ADAMTS12: variants seen among roughly 807,000 people sequenced by gnomAD.
ADAMTS12 encodes ADAM metallopeptidase with thrombospondin type 1 motif 12.
A neutral mutation model predicts 167.8 loss-of-function variants in ADAMTS12; 118 were observed. The observed-to-expected ratio is 0.70, with a 90% CI of 0.61 to 0.82. The LOEUF is 0.82. ADAMTS12 is among the 40% of genes least tolerant of loss of function. The pLI is 0.00. For missense variants in ADAMTS12, 1,916 were observed against 1,998.8 expected (o/e 0.96, Z 0.79); for synonymous variants, 704 against 716.9 (o/e 0.98, Z 0.29).
Position 33,630,885 on chromosome 5 carries a change from GGGTC to G in ADAMTS12, c.1913_1916del (p.Arg638ProfsTer2), listed in dbSNP as rs771494158. ...TTTTCTCAGAAAACTGGCCATCTAT[GGGTC>G]GGCAGTAGAGCTCACAAGGATGTGC... On this transcript the variant is annotated frameshift_variant, in exon 13 of 24. Transcript: ENST00000504830. LOFTEE classifies it high-confidence loss of function. 3.1e-6 allele frequency: 5 copies of G among 1,613,558 alleles called. No individual in the cohort carries two copies. Among genetic ancestry groups the G allele is most frequent in the Middle Eastern group, 1.7e-4 (1 of 6,056 alleles).
At chr5:33,644,475 T>A (rs1424220824) in intron 9 of ADAMTS12, among the ~76,000 whole-genome samples, 1 of 152,250 alleles carries the variant, frequency 6.6e-6, no homozygotes, top group African/African-American at 2.4e-5. Flanking sequence ...ACTGAATTTT[T>A]AAGTCAATAA....
intron 20 of ADAMTS12, among the ~76,000 whole-genome samples, chr5:33,557,661 A>T (rs977249619): frequency 6.6e-6 from 1 of 152,180 alleles, no homozygotes; most frequent in Non-Finnish European, 1.5e-5. Flanking sequence ...AGGGGTCTCA[A>T]TAATCAAGAT....
chr5:33,712,744 T>C (rs1285741570), intron 3 of ADAMTS12, among the ~76,000 whole-genome samples: 1 of 152,156 alleles, frequency 6.6e-6, no homozygotes, highest in African/African-American at 2.4e-5. Flanking sequence ...CTCACAACTC[T>C]TCAGCCTCTT....
At chr5:33,634,880 G>T (rs1264326212) in intron 12 of ADAMTS12, among the ~76,000 whole-genome samples, 1 of 151,724 alleles carries the variant, frequency 6.6e-6, no homozygotes. Context: ...TTTTTCTGTA[G>T]AGGCAGGGTC....
At chr5:33,718,564 C>G (rs540825509) in intron 3 of ADAMTS12, among the ~76,000 whole-genome samples, 1 of 152,130 alleles carries the variant, frequency 6.6e-6, no homozygotes, top group African/African-American at 2.4e-5. Context: ...TATCCCACCC[C>G]CTCCCAGTCC....
chr5:33,885,231 G>T (rs770904325), intron 1 of ADAMTS12, among the ~76,000 whole-genome samples: 1 of 151,994 alleles, frequency 6.6e-6, no homozygotes, highest in Admixed American at 6.5e-5. Flanking sequence ...TATAATAAAG[G>T]GGCAATAAAT....
chr5:33,540,938 T>G (rs963056552), intron 22 of ADAMTS12, among the ~76,000 whole-genome samples: 28 of 152,180 alleles, frequency 1.8e-4, no homozygotes, highest in African/African-American at 6.3e-4. Context: ...CTTCAAAGGA[T>G]CGTAGCTCCT....
chr5:33,884,994 A>G (rs1410788213), intron 1 of ADAMTS12, among the ~76,000 whole-genome samples: 1 of 152,234 alleles, frequency 6.6e-6, no homozygotes, highest in African/African-American at 2.4e-5. Context: ...TACTCTTCCA[A>G]GTCAAATGAG....
In ADAMTS12 at chr5:33,656,523, A is replaced by C. The variant is rs78270003; in HGVS notation, c.1190+1661T>G. Among the ~76,000 whole-genome samples the C allele has an allele frequency of 7.6e-3, 1,153 of 152,320 alleles. 39 individuals carry two copies. The highest frequency in any genetic ancestry group is 0.061 in the East Asian group (314 of 5,168). ...ATATTCTTGTTACAAGATCAGGTTG[A>C]ACTTGAGGATAGAAAGAATCCATCC... On this transcript the variant is annotated intron_variant, in intron 7 of 23. Transcript: ENST00000504830.
At chr5:33,807,933 G>T (rs914104758) in intron 2 of ADAMTS12, among the ~76,000 whole-genome samples, 2 of 152,180 alleles carry the variant, frequency 1.3e-5, no homozygotes, top group African/African-American at 4.8e-5. Context: ...CACTATAGAA[G>T]AGGAAAGAAA....
intron 5 of ADAMTS12, 148 bp from the exon 6 acceptor site, chr5:33,662,188 C>A: frequency 3.2e-6 from 3 of 950,398 alleles, no homozygotes; most frequent in Non-Finnish European, 4.6e-6. Context: ...CAGAGGCCAA[C>A]TGACTCCTCT....
At position 33,546,089 on chromosome 5, in the gene ADAMTS12, G is replaced by A. The variant is rs1352594404; in HGVS notation, c.4416C>T (p.Cys1472=). The A allele has an allele frequency of 6.2e-7, 1 of 1,613,634 alleles. No individual in the cohort carries two copies. The highest frequency in any genetic ancestry group is 1.3e-5 in the African/African-American group (1 of 74,836). Residue 1472 remains cysteine (C), a synonymous_variant, in exon 22 of 24, where the codon TGC becomes TGT. Transcript: ENST00000504830. ...TSTMSCNEHL[C]CHWATGNWDL... ...CCCAGTTCCCAGTGGCCCAGTGACA[G>A]CACAGGTGCTCATTGCAAGACATGG...
chr5:33,599,949 G>A (rs190365927), intron 16 of ADAMTS12, among the ~76,000 whole-genome samples: 92 of 152,148 alleles, frequency 6.0e-4, no homozygotes, highest in African/African-American at 1.9e-3. Flanking sequence ...ATCTTTCCCT[G>A]GAAATTAAAG....
chr5:33,806,692 CT>C (rs1330164152), intron 2 of ADAMTS12, among the ~76,000 whole-genome samples: 2 of 152,146 alleles, frequency 1.3e-5, no homozygotes, highest in Non-Finnish European at 2.9e-5. Context: ...GATTCTAGAT[CT>C]TCTAAATGTG....
intron 3 of ADAMTS12, among the ~76,000 whole-genome samples, chr5:33,740,711 G>C (rs1744539441): frequency 6.6e-6 from 1 of 152,168 alleles, no homozygotes; most frequent in South Asian, 2.1e-4. Context: ...AGGCCTCCCT[G>C]CTTTCATGTG....
intron 10 of ADAMTS12, among the ~76,000 whole-genome samples, chr5:33,642,776 C>T (rs1740510449): frequency 6.6e-6 from 1 of 151,908 alleles, no homozygotes; most frequent in East Asian, 1.9e-4. Context: ...TGTATTTTGC[C>T]CGGGTTCTGT....
intron 3 of ADAMTS12, among the ~76,000 whole-genome samples, chr5:33,687,469 C>T (rs1304921951): frequency 6.6e-6 from 1 of 152,172 alleles, no homozygotes; most frequent in African/African-American, 2.4e-5. Flanking sequence ...AACATTTATA[C>T]AATAGGTTTT....
At chr5:33,609,000 T>A (rs1046830387) in intron 16 of ADAMTS12, among the ~76,000 whole-genome samples, 1 of 152,210 alleles carries the variant, frequency 6.6e-6, no homozygotes. Flanking sequence ...TCCTCCCCCA[T>A]ACAGATATTG....
chr5:33,712,120 G>C (rs1477239286), intron 3 of ADAMTS12, among the ~76,000 whole-genome samples: 1 of 152,122 alleles, frequency 6.6e-6, no homozygotes, highest in Non-Finnish European at 1.5e-5. Flanking sequence ...ACGAAATTCT[G>C]ATGAGGATTA....
Sources: allele counts gnomAD v4.1 joint callset (sites outside exome capture counted in the v4.1 genomes callset), GRCh38; gene constraint gnomAD v4.1.1; transcripts MANE v1.5; gene names NCBI Gene and HGNC (gene_info 2026-07-23, HGNC 2026-07-21).